Variants in R3HDM1 observed in about 807,000 individuals in gnomAD.
R3HDM1 encodes the protein R3H domain containing 1, also known as R3H domain-containing protein 1.
R3HDM1 carries 46 observed loss-of-function variants against 141.1 expected under a neutral mutation model. The ratio of observed to expected loss-of-function variants is 0.33; its 90% CI spans 0.26 to 0.42. The LOEUF is 0.42. Ranked by LOEUF, R3HDM1 falls within the 10% of genes least tolerant of loss-of-function variation. The pLI is 1.00. For missense variants in R3HDM1, 1,184 were observed against 1,368.3 expected (o/e 0.87, Z 2.12); for synonymous variants, 435 against 472.9 (o/e 0.92, Z 1.04).
chr2:135,653,918 G>A (rs952187746), intron 18 of R3HDM1, among the ~76,000 whole-genome samples: 22 of 152,064 alleles, frequency 1.4e-4, no homozygotes, highest in African/African-American at 5.1e-4. Context: ...GTGGTTTTTT[G>A]TTCAGGGTTC....
At chr2:135,543,315 C>G (rs1307335860) in intron 1 of R3HDM1, among the ~76,000 whole-genome samples, 1 of 151,868 alleles carries the variant, frequency 6.6e-6, no homozygotes, top group East Asian at 1.9e-4. Context: ...AATTCTATTT[C>G]GTTGATTTAT....
intron 1 of R3HDM1, chr2:135,583,974 T>C (rs1259389527): frequency 3.0e-6 from 3 of 985,334 alleles, no homozygotes; most frequent in African/African-American, 3.5e-5. Context: ...CAGAAGTTGC[T>C]GGACATTCCA....
At position 135,604,932 on chromosome 2, in the gene R3HDM1, T is replaced by G. The variant is rs140996570; in HGVS notation, c.87T>G (p.Val29=). ...LEAEVKDTTR[V]ENLIKSENYG... ...CAGAAGTGAAAGATACAACCAGAGT[T>G]GAAAATCTTATCAAATCAGAAAACT... The change falls in exon 3 of 27, where the codon GTT becomes GTG. Residue 29 remains valine, a synonymous_variant. Transcript: ENST00000683871. 1.6e-5 allele frequency: 26 copies of G among 1,612,204 alleles called. No individual in the cohort carries two copies. Among genetic ancestry groups the G allele is most frequent in the Non-Finnish European group, 2.2e-5 (26 of 1,178,656 alleles).
chr2:135,617,334 A>ATAT (rs544658980), intron 5 of R3HDM1, among the ~76,000 whole-genome samples: 35 of 151,134 alleles, frequency 2.3e-4, no homozygotes, highest in Non-Finnish European at 2.9e-4. Flanking sequence ...CTCAAAAAAA[A>ATAT]ATATATATAT....
intron 21 of R3HDM1, among the ~76,000 whole-genome samples, chr2:135,681,664 A>T (rs1039877189): frequency 6.6e-6 from 1 of 152,144 alleles, no homozygotes; most frequent in African/African-American, 2.4e-5. Context: ...TGATCTGAAG[A>T]TGGAGTAGTT....
intron 21 of R3HDM1, among the ~76,000 whole-genome samples, chr2:135,690,172 G>C (rs527586584): frequency 1.3e-5 from 2 of 151,606 alleles, no homozygotes; most frequent in East Asian, 3.9e-4. Context: ...TGTCCCTTTT[G>C]TCCTACTTGT....
chr2:135,586,602 T>C (rs1467799215), intron 1 of R3HDM1: 7 of 635,990 alleles, frequency 1.1e-5, no homozygotes, highest in African/African-American at 2.0e-5. Context: ...TGTTAGAGGA[T>C]GTGTGATAAA....
chr2:135,578,622 A>C (rs1706058165), intron 1 of R3HDM1, among the ~76,000 whole-genome samples: 2 of 152,372 alleles, frequency 1.3e-5, no homozygotes, highest in East Asian at 3.9e-4. Context: ...GTCAATGAAT[A>C]ACACTGACTT....
At chr2:135,596,414 C>T (rs575278472) in intron 1 of R3HDM1, among the ~76,000 whole-genome samples, 12 of 152,312 alleles carry the variant, frequency 7.9e-5, no homozygotes, top group African/African-American at 2.6e-4. Flanking sequence ...CATTATAACA[C>T]TCAGTACTGA....
chr2:135,604,836 A>G lies in R3HDM1; in HGVS notation c.-10A>G. ...AAGCTCCCTGTAGAATTCGAAAATA[A>G]CCTTTTCTAATGAGGATGTCTGATA... On this transcript the variant is annotated 5_prime_UTR_variant, in exon 3 of 27. Transcript: ENST00000683871. 5 of 1,611,318 alleles carry G rather than the reference A, an allele frequency of 3.1e-6. No individual in the cohort carries two copies. The highest frequency in any genetic ancestry group is 4.2e-6 in the Non-Finnish European group (5 of 1,178,548).
At chr2:135,631,107 A>G (rs2065083503) in intron 7 of R3HDM1, among the ~76,000 whole-genome samples, 1 of 152,154 alleles carries the variant, frequency 6.6e-6, no homozygotes, top group African/African-American at 2.4e-5. Flanking sequence ...AATTAGCGAT[A>G]TAATTAATAC....
At chr2:135,571,320 A>T (rs56369224) in intron 1 of R3HDM1, among the ~76,000 whole-genome samples, 91,395 of 150,816 alleles carry the variant, frequency 0.61, 32,817 homozygotes, top group East Asian at 1. Context: ...ATTTTTTTTT[A>T]ATTATTCATT....
intron 1 of R3HDM1, among the ~76,000 whole-genome samples, chr2:135,592,626 T>C (rs1041596170): frequency 6.6e-6 from 1 of 152,220 alleles, no homozygotes; most frequent in African/African-American, 2.4e-5. Context: ...ACATCCTTAT[T>C]ATCCATAGCT....
intron 1 of R3HDM1, among the ~76,000 whole-genome samples, chr2:135,574,107 C>T (rs960556796): frequency 7.2e-5 from 11 of 151,912 alleles, no homozygotes; most frequent in South Asian, 2.1e-4. Flanking sequence ...AATAGACAAA[C>T]GGTTAGCTAA....
chr2:135,565,570 G>A (rs544753562), intron 1 of R3HDM1, among the ~76,000 whole-genome samples: 15 of 151,936 alleles, frequency 9.9e-5, no homozygotes, highest in South Asian at 4.1e-4. Flanking sequence ...GTTTCTTTGC[G>A]TTGGACTACC....
intron 15 of R3HDM1, among the ~76,000 whole-genome samples, chr2:135,643,406 A>G (rs1036185091): frequency 1.4e-4 from 20 of 147,784 alleles, no homozygotes; most frequent in East Asian, 2.0e-4. Flanking sequence ...TTTTGATATC[A>G]TAAGTTTCCT....
intron 16 of R3HDM1, among the ~76,000 whole-genome samples, chr2:135,646,394 C>T (rs1320729746): frequency 6.6e-6 from 1 of 151,632 alleles, no homozygotes. Context: ...CTCGGCCTCC[C>T]AAAGTGCTGG....
intron 21 of R3HDM1, among the ~76,000 whole-genome samples, chr2:135,682,735 G>A (rs977698437): frequency 2.6e-5 from 4 of 152,316 alleles, no homozygotes; most frequent in African/African-American, 2.4e-5. Flanking sequence ...GGTGGCTCAC[G>A]CCTGTAATCC....
intron 19 of R3HDM1, chr2:135,665,300 G>C (rs1044774241): frequency 1.6e-5 from 7 of 443,262 alleles, no homozygotes; most frequent in African/African-American, 1.4e-4. Flanking sequence ...CAAAGCCCTA[G>C]CTGTTTTCTG....
Sources: gnomAD v4.1 joint callset for allele counts (sites outside exome capture counted in the v4.1 genomes callset) on GRCh38, gnomAD v4.1.1 for gene constraint, MANE v1.5 for transcripts, NCBI Gene and HGNC (gene_info 2026-07-23, HGNC 2026-07-21) for gene names.